PCDHGA10: variants seen among roughly 807,000 people sequenced by gnomAD.
PCDHGA10 encodes protocadherin gamma-A10.
PCDHGA10 carries 42 observed loss-of-function variants against 59.5 expected under a neutral mutation model. That is an observed-to-expected ratio of 0.71 (90% CI 0.55 to 0.91). The LOEUF (loss-of-function observed/expected upper bound fraction) is 0.91, where lower values mean the gene tolerates loss of function less well. Among genes scored for constraint, PCDHGA10 ranks in the 40% least tolerant of loss-of-function variants. PCDHGA10 has a pLI of 0.00. For synonymous variants in PCDHGA10, 511 were observed against 517.2 expected, an observed-to-expected ratio of 0.99 and a Z score of 0.16; for missense variants, 1,111 against 1,198.2, an observed-to-expected ratio of 0.93 and a Z score of 1.07.
At position 141,431,542 on chromosome 5, in the gene PCDHGA10, G is replaced by C; in HGVS notation, c.2436+15931G>C. On this transcript the variant is annotated intron_variant, in intron 1 of 3. Coordinates refer to ENST00000398610, the MANE Select transcript of PCDHGA10 (RefSeq NM_018913.3). The surrounding 1 kb of genome is among the most constrained non-coding windows in gnomAD (Gnocchi z 4.8). ...AGAATCTGGCCTTGGGCACGCAGCT[G>C]CTTGTAGTCAACGCTACCGACCCTG... The C allele has an allele frequency of 1.9e-6, 3 of 1,614,124 alleles. No homozygotes were observed. The highest frequency in any genetic ancestry group is 1.1e-5 in the South Asian group (1 of 91,086).
intron 1 of PCDHGA10, chr5:141,421,647 G>A: frequency 6.2e-7 from 1 of 1,613,872 alleles, no homozygotes; most frequent in Non-Finnish European, 8.5e-7. Context: ...ACGAAGTGGA[G>A]ATAAAAGTCA....
chr5:141,452,533 A>G lies in PCDHGA10; in HGVS notation c.2436+36922A>G, dbSNP rs562306062. ...CACACTCCCTCAAAATCGTGAGTTC[A>G]TATTGATACCTCCAGTTCTGGTTCT... On this transcript the variant is annotated intron_variant, in intron 1 of 3. Transcript: ENST00000398610. Among the ~76,000 whole-genome samples the G allele has an allele frequency of 2.0e-5, 3 of 152,328 alleles. No individual in the cohort carries two copies. The East Asian group carries it at 5.8e-4, about 29-fold the overall frequency.
rs1280923293 is a variant in PCDHGA10 at position 141,478,837 on chromosome 5, G to A, written c.2437-15970G>A. ...AACTAACCAATCTTGCTAAGGGATG[G>A]TTAAGCTAAAACACAAGATCTCAGC... is the stretch of plus-strand genomic sequence containing the variant. On this transcript the variant is annotated intron_variant, in intron 1 of 3. Transcript: ENST00000398610. 3.5e-6 allele frequency: 5 copies of A among 1,428,112 alleles called. No homozygotes were observed. The African/African-American group carries it at 5.8e-5, about 16-fold the overall frequency. The allele number at this position is 1,428,112 out of a possible 1,614,324, so 88.5% of individuals were successfully genotyped here.
At chr5:141,474,671 A>G (rs2099352865) in intron 1 of PCDHGA10, among the ~76,000 whole-genome samples, 1 of 152,204 alleles carries the variant, frequency 6.6e-6, no homozygotes, top group South Asian at 2.1e-4. Context: ...TACCTAACCT[A>G]TGTGCCTACC....
chr5:141,476,083 T>C lies in PCDHGA10; in HGVS notation c.2437-18724T>C. 1 of 1,547,886 alleles carries C rather than the reference T, an allele frequency of 6.5e-7. No homozygotes were observed. The highest frequency in any genetic ancestry group is 8.7e-7 in the Non-Finnish European group (1 of 1,153,242). The stretch of plus-strand genomic sequence containing the variant: ...TCTCAGCGAAATCTCAGGGACGATC[T>C]GGACCCCGCTGAGAGGAACTGCTTT... On this transcript the variant is annotated intron_variant, in intron 1 of 3. Coordinates refer to ENST00000398610, the MANE Select transcript of PCDHGA10 (RefSeq NM_018913.3). This position sits in a 1 kb window ranked among gnomAD's most constrained non-coding sequence, Gnocchi z 7.6.
At position 141,491,413 on chromosome 5, in the gene PCDHGA10, G is replaced by A. The variant is rs1193417991; in HGVS notation, c.2437-3394G>A. 5.6e-6 allele frequency: 9 copies of A among 1,613,946 alleles called. No individual in the cohort carries two copies. Among genetic ancestry groups the A allele is most frequent in the Non-Finnish European group, 7.6e-6 (9 of 1,179,986 alleles). On this transcript the variant is annotated intron_variant, in intron 1 of 3. Transcript: ENST00000398610. The surrounding 1 kb of genome is among the most constrained non-coding windows in gnomAD (Gnocchi z 6.9). Reference sequence around the variant, plus strand: ...CCTTCAGGGAAACGCAGACGGGGACGGGGGTGGAGGGCAGTGCTGCAGGCG... The same window carrying A: ...CCTTCAGGGAAACGCAGACGGGGACAGGGGTGGAGGGCAGTGCTGCAGGCG...
rs752145084 is a variant in PCDHGA10 at position 141,489,550 on chromosome 5, C to T, written c.2437-5257C>T. On this transcript the variant is annotated intron_variant, in intron 1 of 3. Coordinates refer to ENST00000398610, the MANE Select transcript of PCDHGA10 (RefSeq NM_018913.3). This position sits in a 1 kb window ranked among gnomAD's most constrained non-coding sequence, Gnocchi z 4.5. ...ATGTGGAGCCAGCACCAGCTGCCTGCTGCCAGTGCAGGTGGTGACTGAACA... is the reference window on the plus strand; with the variant it reads ...ATGTGGAGCCAGCACCAGCTGCCTGTTGCCAGTGCAGGTGGTGACTGAACA... The T allele has an allele frequency of 1.2e-6, 2 of 1,614,132 alleles. No homozygotes were observed. The highest frequency in any genetic ancestry group is 1.7e-5 in the Admixed American group (1 of 60,030).
intron 1 of PCDHGA10, among the ~76,000 whole-genome samples, chr5:141,482,760 C>CAGCTGTG (rs1363796107): frequency 2.1e-5 from 3 of 141,084 alleles, no homozygotes; most frequent in African/African-American, 5.7e-5. Flanking sequence ...TATGGTATTT[C>CAGCTGTG]ATTATCACTG....
chr5:141,446,920 C>T (rs2098520337), intron 1 of PCDHGA10, among the ~76,000 whole-genome samples: 1 of 152,108 alleles, frequency 6.6e-6, no homozygotes, highest in African/African-American at 2.4e-5. Flanking sequence ...TATTTATCTT[C>T]CTGATCTCTT....
intron 1 of PCDHGA10, chr5:141,441,971 G>T: frequency 3.3e-6 from 1 of 298,820 alleles, no homozygotes; most frequent in Non-Finnish European, 6.5e-6. Context: ...AGGCTCTTCA[G>T]CCTGGAATGC....
rs1486554010 is a variant in PCDHGA10 at position 141,431,630 on chromosome 5, G to C, written c.2436+16019G>C. Reference sequence around the variant, plus strand: ...GTATGTGGACGACAAGGCGGCCCAAGTTTTCAAACTAGATTGTAATTCAGG... The same window carrying C: ...GTATGTGGACGACAAGGCGGCCCAACTTTTCAAACTAGATTGTAATTCAGG... On this transcript the variant is annotated intron_variant, in intron 1 of 3. Transcript: ENST00000398610. This position sits in a 1 kb window ranked among gnomAD's most constrained non-coding sequence, Gnocchi z 4.8. 6.2e-7 allele frequency: 1 copy of C among 1,614,250 alleles called. No individual in the cohort carries two copies. Among genetic ancestry groups the C allele is most frequent in the East Asian group, 2.2e-5 (1 of 44,882 alleles).
chr5:141,472,850 G>A (rs1230517294), intron 1 of PCDHGA10, among the ~76,000 whole-genome samples: 1 of 151,876 alleles, frequency 6.6e-6, no homozygotes, highest in Admixed American at 6.6e-5. Flanking sequence ...GCTGGGCATG[G>A]TGGCACATGC....
intron 3 of PCDHGA10, among the ~76,000 whole-genome samples, chr5:141,509,732 C>T (rs931066969): frequency 3.9e-5 from 6 of 152,182 alleles, no homozygotes; most frequent in Non-Finnish European, 5.9e-5. Flanking sequence ...CTAGCTGTGG[C>T]ACTCTGAGCC....
chr5:141,477,794 C>G lies in PCDHGA10; in HGVS notation c.2437-17013C>G, dbSNP rs148942362. The G allele has an allele frequency of 6.2e-7, 1 of 1,614,086 alleles. No individual in the cohort carries two copies. The highest frequency in any genetic ancestry group is 1.1e-5 in the South Asian group (1 of 91,082). On this transcript the variant is annotated intron_variant, in intron 1 of 3. Transcript: ENST00000398610. This position sits in a 1 kb window ranked among gnomAD's most constrained non-coding sequence, Gnocchi z 4.9. ...CAGCGTGAACATATTTGTCACTGAT[C>G]GCAATGACAATGCCCCCCAGGTCCT...
At chr5:141,479,866 A>G (rs1020197891) in intron 1 of PCDHGA10, among the ~76,000 whole-genome samples, 2 of 152,204 alleles carry the variant, frequency 1.3e-5, no homozygotes, top group African/African-American at 2.4e-5. Context: ...TTTGCCCTGG[A>G]GAGAACCCTA....
chr5:141,450,071 A>G (rs1039802551), intron 1 of PCDHGA10, among the ~76,000 whole-genome samples: 3 of 139,286 alleles, frequency 2.2e-5, no homozygotes, highest in Non-Finnish European at 3.0e-5. Flanking sequence ...CAGTGGTATG[A>G]TCTTGGCTCA....
Position 141,414,463 on chromosome 5 carries a change from G to T in PCDHGA10, c.1288G>T (p.Asp430Tyr). ...TTACAATATCACAGTGACAGCCACAGATGGGGGAAGTCCTCCTCTATCAAC... is the reference window on the plus strand; with the variant it reads ...TTACAATATCACAGTGACAGCCACATATGGGGGAAGTCCTCCTCTATCAAC... ...SSYNITVTATDGGSPPLSTEA... is the reference protein window; with the variant it reads ...SSYNITVTATYGGSPPLSTEA... The change falls in exon 1 of 4, where the codon GAT becomes TAT. Residue 430 changes from aspartate (D) to tyrosine (Y), a missense_variant. Transcript: ENST00000398610. 6.2e-7 allele frequency: 1 copy of T among 1,613,932 alleles called. No individual in the cohort carries two copies.
rs2096665320 is a variant in PCDHGA10 at position 141,422,696 on chromosome 5, A to G, written c.2436+7085A>G. The G allele has an allele frequency of 3.1e-6, 5 of 1,602,638 alleles. No homozygotes were observed. The highest frequency in any genetic ancestry group is 4.3e-6 in the Non-Finnish European group (5 of 1,174,110). On this transcript the variant is annotated intron_variant, in intron 1 of 3. Coordinates refer to ENST00000398610, the MANE Select transcript of PCDHGA10 (RefSeq NM_018913.3). Reference sequence around the variant, plus strand: ...AGCAAACAGAATGCCCTGGTCACTTACTCTCTGACGGATGACACTGTCCAG... The same window carrying G: ...AGCAAACAGAATGCCCTGGTCACTTGCTCTCTGACGGATGACACTGTCCAG...
chr5:141,423,906 G>A (rs2096789586), intron 1 of PCDHGA10: 17 of 1,272,396 alleles, frequency 1.3e-5, no homozygotes, highest in Non-Finnish European at 1.7e-5. Context: ...ATTTCAAAGG[G>A]GCCATTCAAC....
Sources: gnomAD v4.1 joint callset for allele counts (sites outside exome capture counted in the v4.1 genomes callset) on GRCh38, gnomAD v4.1.1 for gene constraint, Gnocchi (gnomAD v3.1) non-coding constraint, MANE v1.5 for transcripts, NCBI Gene and HGNC (gene_info 2026-07-23, HGNC 2026-07-21) for gene names.